Variants in CACNA2D3 observed in about 807,000 individuals in gnomAD.
CACNA2D3 encodes the protein calcium voltage-gated channel auxiliary subunit alpha2delta 3.
Under a neutral mutation model 160.6 loss-of-function variants are expected in CACNA2D3, and 60 were observed. That is an observed-to-expected ratio of 0.37 (90% CI 0.30 to 0.46). CACNA2D3 has a LOEUF of 0.46. CACNA2D3 is among the 20% of genes least tolerant of loss of function. CACNA2D3 has a pLI of 1.00. For missense variants in CACNA2D3, 1,205 were observed against 1,365.0 expected (o/e 0.88, Z 1.85); for synonymous variants, 558 against 492.9 (o/e 1.13, Z -1.75).
At chr3:54,218,147 T>G (rs1040574343) in intron 2 of CACNA2D3, among the ~76,000 whole-genome samples, 14 of 152,180 alleles carry the variant, frequency 9.2e-5, no homozygotes, top group African/African-American at 2.9e-4. Context: ...ACGCTCCCAC[T>G]TTGTGGGACT....
intron 5 of CACNA2D3, among the ~76,000 whole-genome samples, chr3:54,518,459 T>G (rs1037494177): frequency 6.6e-6 from 1 of 152,022 alleles, no homozygotes; most frequent in African/African-American, 2.4e-5. Context: ...AGCACCGAGA[T>G]GGGGTCACAC....
chr3:54,897,815 A>G lies in CACNA2D3; in HGVS notation c.2368+945A>G, dbSNP rs1700226597. Among the ~76,000 whole-genome samples the G allele has an allele frequency of 3.9e-5, 6 of 152,222 alleles. No homozygotes were observed. The South Asian group carries it at 1.2e-3, about 32-fold the overall frequency. ...CTTTTGAAATTTGTAGAAAGCAAAG[A>G]GTGCTCTTACAATTGGTTGAATGGG... On this transcript the variant is annotated intron_variant, in intron 26 of 37. Transcript: ENST00000474759.
At chr3:54,504,856 CA>C (rs1169454595) in intron 5 of CACNA2D3, among the ~76,000 whole-genome samples, 1 of 152,180 alleles carries the variant, frequency 6.6e-6, no homozygotes, top group East Asian at 1.9e-4. Context: ...CTGCCTCCGT[CA>C]GAGGGTTAGT....
At chr3:54,253,392 G>C (rs1303594555) in intron 2 of CACNA2D3, among the ~76,000 whole-genome samples, 2 of 152,142 alleles carry the variant, frequency 1.3e-5, no homozygotes, top group African/African-American at 4.8e-5. Flanking sequence ...ATGGCAGAAG[G>C]CAAAAGGGTA....
chr3:54,490,491 G>A (rs985822689), intron 4 of CACNA2D3, among the ~76,000 whole-genome samples: 4 of 152,244 alleles, frequency 2.6e-5, no homozygotes. Context: ...GCCAGGGAGA[G>A]AGTGGGAAGG....
intron 28 of CACNA2D3, 68 bp downstream of exon 28, chr3:54,968,579 C>T: frequency 8.5e-7 from 1 of 1,170,986 alleles, no homozygotes; most frequent in South Asian, 1.4e-5. Context: ...CATTTGGGTA[C>T]CTGGAGCCTG....
At chr3:54,524,151 T>C (rs1185710368) in intron 5 of CACNA2D3, among the ~76,000 whole-genome samples, 2 of 152,154 alleles carry the variant, frequency 1.3e-5, no homozygotes, top group African/African-American at 4.8e-5. Flanking sequence ...TATAAATTTT[T>C]CTCTAAACAC....
intron 3 of CACNA2D3, 129 bp from the exon 4 acceptor site, chr3:54,386,586 G>A: frequency 1.4e-6 from 1 of 737,526 alleles, no homozygotes; most frequent in Non-Finnish European, 2.2e-6. Context: ...AGTTTCATGG[G>A]AGCAAAGGCA....
chr3:55,051,897 A>T (rs1222196023), intron 35 of CACNA2D3, among the ~76,000 whole-genome samples: 1 of 152,082 alleles, frequency 6.6e-6, no homozygotes, highest in Non-Finnish European at 1.5e-5. Context: ...CCTTTCTTTG[A>T]GTCAGAAAGG....
intron 35 of CACNA2D3, among the ~76,000 whole-genome samples, chr3:55,073,024 G>C (rs1002661686): frequency 6.6e-6 from 1 of 152,210 alleles, no homozygotes; most frequent in African/African-American, 2.4e-5. Context: ...CATAGTTTCA[G>C]TCTATCGTTG....
rs146815879 is a variant in CACNA2D3 at position 54,465,883 on chromosome 3, C to G, written c.382-37609C>G. On this transcript the variant is annotated intron_variant, in intron 4 of 37. Coordinates refer to ENST00000474759, the MANE Select transcript of CACNA2D3 (RefSeq NM_018398.3). Reference sequence around the variant, plus strand: ...CTGAAGGTAAGGTGCTGGCTGGGCTCTTAATCTGGAGATCTGGAAAGATTG... The same window carrying G: ...CTGAAGGTAAGGTGCTGGCTGGGCTGTTAATCTGGAGATCTGGAAAGATTG... Among the ~76,000 whole-genome samples the G allele has an allele frequency of 2.4e-3, 359 of 152,286 alleles. 1 individual carries two copies. The highest frequency in any genetic ancestry group is 8.3e-3 in the African/African-American group (346 of 41,560).
chr3:54,600,273 C>T (rs1575372829), intron 9 of CACNA2D3, among the ~76,000 whole-genome samples: 2 of 152,312 alleles, frequency 1.3e-5, no homozygotes, highest in East Asian at 3.9e-4. Flanking sequence ...GGTCATGTTG[C>T]TAATTCAGGA....
chr3:55,033,830 AT>A (rs1559469604), intron 35 of CACNA2D3, among the ~76,000 whole-genome samples: 735 of 47,760 alleles, frequency 0.015, 58 homozygotes, highest in African/African-American at 0.061. Flanking sequence ...AATATATTTA[AT>A]ATATAATATA....
At chr3:54,466,766 C>T (rs1700634962) in intron 4 of CACNA2D3, among the ~76,000 whole-genome samples, 1 of 152,184 alleles carries the variant, frequency 6.6e-6, no homozygotes, top group Non-Finnish European at 1.5e-5. Context: ...AGTTGCCTAA[C>T]ACTGTATAAT....
chr3:54,806,352 A>G (rs1345173259), intron 13 of CACNA2D3, among the ~76,000 whole-genome samples: 2 of 152,186 alleles, frequency 1.3e-5, no homozygotes, highest in Non-Finnish European at 2.9e-5. Flanking sequence ...AACTTCAGCA[A>G]AGTCTCAGGA....
At chr3:54,876,949 A>G (rs1699674839) in intron 18 of CACNA2D3, 1 of 152,258 alleles carries the variant, frequency 6.6e-6, no homozygotes, top group Non-Finnish European at 1.5e-5. Flanking sequence ...AAAGTGAGCC[A>G]CAGAGAGGTC....
chr3:54,973,649 A>G (rs1201361838), intron 29 of CACNA2D3, among the ~76,000 whole-genome samples: 1 of 152,148 alleles, frequency 6.6e-6, no homozygotes, highest in African/African-American at 2.4e-5. Context: ...TGCATGTTGG[A>G]CTGCCCACCT....
Position 54,807,802 on chromosome 3 carries a change from A to G in CACNA2D3, c.1381-9051A>G, listed in dbSNP as rs573761248. ...TCCCAATAGCAAAGACTTGGAACCA[A>G]CCCAAATGTCCAACAATGATAGACT... On this transcript the variant is annotated intron_variant, in intron 13 of 37. Coordinates refer to ENST00000474759, the MANE Select transcript of CACNA2D3 (RefSeq NM_018398.3). Among the ~76,000 whole-genome samples, 34 of 151,800 alleles carry G rather than the reference A, an allele frequency of 2.2e-4. No homozygotes were observed. The East Asian group carries it at 4.7e-3, about 21-fold the overall frequency.
chr3:54,752,923 C>T lies in CACNA2D3; in HGVS notation c.1246+246C>T, dbSNP rs142606115. ...TTGCCCAGGCTGGAGTGCAGTAACG[C>T]GATCTCAGCTCACTGCAGACCACGC... On this transcript the variant is annotated intron_variant, in intron 12 of 37. Transcript: ENST00000474759. Among the ~76,000 whole-genome samples the T allele has an allele frequency of 7.2e-3, 1,080 of 149,830 alleles. 22 individuals are homozygous for T. The highest frequency in any genetic ancestry group is 0.025 in the African/African-American group (1,025 of 40,612).
Sources: allele counts gnomAD v4.1 joint callset (sites outside exome capture counted in the v4.1 genomes callset), GRCh38; gene constraint gnomAD v4.1.1; transcripts MANE v1.5; gene names NCBI Gene and HGNC (gene_info 2026-07-23, HGNC 2026-07-21).